The following GAK variants were observed in gnomAD, a reference collection of about 807,000 sequenced individuals.
GAK encodes the protein cyclin-G-associated kinase.
In GAK, 79 loss-of-function variants were observed where a neutral mutation model predicts 143.9. The observed-to-expected ratio is 0.55, with a 90% CI of 0.46 to 0.66. The LOEUF (loss-of-function observed/expected upper bound fraction) is 0.66. Among genes scored for constraint, GAK ranks in the 30% least tolerant of loss-of-function variants. GAK has a pLI of 0.00. For missense variants in GAK, 1,693 were observed against 1,779.7 expected, an observed-to-expected ratio of 0.95 and a Z score of 0.88; for synonymous variants, 881 against 765.5, an observed-to-expected ratio of 1.15 and a Z score of -2.49.
chr4:859,182 G>A, intron 24 of GAK: 1 of 985,380 alleles, frequency 1.0e-6, no homozygotes, highest in Non-Finnish European at 1.2e-6. Flanking sequence ...ACAGCGCCCG[G>A]GCCGGGCCTG....
chr4:915,711 C>G (rs1350355098), intron 1 of GAK: 1 of 152,134 alleles, frequency 6.6e-6, no homozygotes, highest in South Asian at 2.1e-4. Context: ...AGAAAGAAAC[C>G]TCCCCAGCCT....
In GAK at chr4:916,803, A is replaced by T. The variant is rs1332773385; in HGVS notation, c.146-3135T>A. 2.6e-5 allele frequency among the ~76,000 whole-genome samples: 4 copies of T among 152,232 alleles called. No homozygotes were observed. In the East Asian group the frequency reaches 7.7e-4, roughly 29 times the overall value. Reference sequence around the variant, plus strand: ...ATGTTGGCGATTTCTTAAAAAGGTGAACATAAATCAACAATACAGCCCTGA... The same window carrying T: ...ATGTTGGCGATTTCTTAAAAAGGTGTACATAAATCAACAATACAGCCCTGA... On this transcript the variant is annotated intron_variant, in intron 1 of 27. Transcript: ENST00000314167.
Position 849,573 on chromosome 4 carries a change from C to T in GAK, c.*100G>A. On this transcript the variant is annotated 3_prime_UTR_variant, in exon 28 of 28. Transcript: ENST00000314167. ...CCGGGGCTCGGAGCCCCACCCTGGC[C>T]ACACCTGCTGTCGCCCACGGGGTCC... 1 of 898,032 alleles carries T rather than the reference C, an allele frequency of 1.1e-6. No individual in the cohort carries two copies. Among genetic ancestry groups the T allele is most frequent in the Non-Finnish European group, 1.8e-6 (1 of 560,456 alleles). 55.6% of individuals were successfully genotyped at this position (898,032 alleles called of 1,614,324 possible).
chr4:876,911 G>A (rs890808023), intron 17 of GAK, among the ~76,000 whole-genome samples, 179 bp downstream of exon 17: 2 of 152,246 alleles, frequency 1.3e-5, no homozygotes, highest in Admixed American at 1.3e-4. Flanking sequence ...ATCCTGCCGC[G>A]TCAAGTGCAC....
chr4:924,523 T>A (rs181055832), intron 1 of GAK, among the ~76,000 whole-genome samples: 195 of 152,338 alleles, frequency 1.3e-3, no homozygotes, highest in African/African-American at 4.5e-3. Flanking sequence ...GCACCTTTAT[T>A]CATAACAGCG....
At position 851,661 on chromosome 4, in the gene GAK, T is replaced by C. The variant is rs1398035443; in HGVS notation, c.3508+89A>G. 6 of 1,374,206 alleles carry C rather than the reference T, an allele frequency of 4.4e-6. No homozygotes were observed. The Admixed American group carries it at 8.5e-5, about 20-fold the overall frequency. The allele number at this position is 1,374,206 out of a possible 1,614,324, so 85.1% of individuals were successfully genotyped here. A position where few individuals can be genotyped will look rare whatever the true frequency, so the allele number is the denominator to read the frequency against. ...CCGTGCCTGTCCCAGGACTGGGCTC[T>C]GAGATGAAGAAAACAACATAGGTTC... is the stretch of plus-strand genomic sequence containing the variant. On this transcript the variant is annotated intron_variant, in intron 25 of 27. Coordinates refer to ENST00000314167, the MANE Select transcript of GAK (RefSeq NM_005255.4).
intron 18 of GAK, chr4:872,840 G>C (rs1018107341): frequency 2.6e-5 from 4 of 154,318 alleles, no homozygotes; most frequent in African/African-American, 9.6e-5. Context: ...GCTCCTGCCA[G>C]ACTAGCTCCA....
chr4:911,883 G>A, intron 3 of GAK, 96 bp from the exon 4 acceptor site: 1 of 932,694 alleles, frequency 1.1e-6, no homozygotes, highest in Non-Finnish European at 1.7e-6. Flanking sequence ...ACTGAAGTCA[G>A]AATACTTGAA....
chr4:903,180 C>G (rs3775117), intron 5 of GAK, among the ~76,000 whole-genome samples: 14,085 of 152,104 alleles, frequency 0.093, 789 homozygotes, highest in East Asian at 0.15. Flanking sequence ...GAGCGCGAGC[C>G]CAGCCCCAGT....
At chr4:862,133 G>A (rs1244184832) in intron 23 of GAK, among the ~76,000 whole-genome samples, 3 of 150,506 alleles carry the variant, frequency 2.0e-5, no homozygotes, top group Non-Finnish European at 2.9e-5. Context: ...AGATCCAGCT[G>A]AGACCACTGA....
chr4:881,031 A>G (rs1714994397), intron 15 of GAK, among the ~76,000 whole-genome samples: 1 of 151,856 alleles, frequency 6.6e-6, no homozygotes, highest in Admixed American at 6.6e-5. Context: ...GGCGGCAATG[A>G]TCTCCTCCCC....
intron 24 of GAK, chr4:852,814 A>T (rs1347634403): frequency 6.6e-6 from 1 of 152,250 alleles, no homozygotes; most frequent in Admixed American, 6.5e-5. Context: ...ACCTGCGCCC[A>T]GCATCCCCCA....
chr4:931,418 AC>A (rs1290415073), intron 1 of GAK, among the ~76,000 whole-genome samples: 1 of 135,966 alleles, frequency 7.4e-6, no homozygotes, highest in South Asian at 2.6e-4. Context: ...CCCTCGGCCA[AC>A]CCCCCCACCC....
In GAK at chr4:884,023, T is replaced by C. The variant is rs188891493; in HGVS notation, c.1255+14A>G. The C allele has an allele frequency of 5.3e-4, 859 of 1,612,750 alleles. 1 individual carries two copies. The Middle Eastern group carries it at 0.018, about 34-fold the overall frequency. Reference sequence around the variant, plus strand: ...GGCCGGGGCGCGTCCCACAGCCTCATGTGGCACGCATACCTGCAATTCTGG... The same window carrying C: ...GGCCGGGGCGCGTCCCACAGCCTCACGTGGCACGCATACCTGCAATTCTGG... On this transcript the variant is annotated intron_variant, in intron 12 of 27. Coordinates refer to ENST00000314167, the MANE Select transcript of GAK (RefSeq NM_005255.4).
chr4:931,618 C>T (rs1457070691), intron 1 of GAK, among the ~76,000 whole-genome samples: 1 of 152,206 alleles, frequency 6.6e-6, no homozygotes, highest in Non-Finnish European at 1.5e-5. Flanking sequence ...CTGACTCCAG[C>T]TGTCGGCCTT....
chr4:857,331 G>A (rs1315055842), intron 24 of GAK, among the ~76,000 whole-genome samples: 6 of 152,146 alleles, frequency 3.9e-5, no homozygotes, highest in South Asian at 2.1e-4. Context: ...TATGAGCTTC[G>A]TAAAATCAAT....
At chr4:921,020 G>C (rs1276475404) in intron 1 of GAK, among the ~76,000 whole-genome samples, 1 of 152,220 alleles carries the variant, frequency 6.6e-6, no homozygotes, top group Non-Finnish European at 1.5e-5. Context: ...TGTGGTATTG[G>C]CAGAGGGACA....
At chr4:853,204 G>A (rs981904789) in intron 24 of GAK, 10 of 152,218 alleles carry the variant, frequency 6.6e-5, no homozygotes, top group African/African-American at 2.4e-4. Flanking sequence ...TAGGGCTCGG[G>A]GCATCCGCCA....
intron 1 of GAK, among the ~76,000 whole-genome samples, chr4:931,702 C>T (rs1227571252): frequency 2.6e-5 from 4 of 152,156 alleles, no homozygotes; most frequent in African/African-American, 9.7e-5. Context: ...CCCACCTCAC[C>T]GTAACATCTT....
Sources: gnomAD v4.1 joint callset for allele counts (sites outside exome capture counted in the v4.1 genomes callset) on GRCh38, gnomAD v4.1.1 for gene constraint, MANE v1.5 for transcripts, NCBI Gene and HGNC (gene_info 2026-07-23, HGNC 2026-07-21) for gene names.